Variants in DAB1 observed in about 807,000 individuals in gnomAD.
The protein encoded by DAB1 is DAB adaptor protein 1.
Under a neutral mutation model 64.6 loss-of-function variants are expected in DAB1, and 15 were observed. The observed-to-expected ratio is 0.23, with a 90% CI of 0.16 to 0.36. The LOEUF (loss-of-function observed/expected upper bound fraction) is 0.36, where lower values mean the gene tolerates loss of function less well. Ranked by LOEUF, DAB1 falls within the 10% of genes least tolerant of loss-of-function variation. The pLI, the probability that DAB1 is intolerant of heterozygous loss-of-function variation, is 1.00. For missense variants in DAB1, 596 were observed against 706.7 expected (o/e 0.84, Z 1.78); for synonymous variants, 235 against 251.9 (o/e 0.93, Z 0.64).
At chr1:58,241,740 A>G (rs921966375) in intron 4 of DAB1, among the ~76,000 whole-genome samples, 3 of 152,114 alleles carry the variant, frequency 2.0e-5, no homozygotes, top group African/African-American at 7.2e-5. Flanking sequence ...CTTGGCAGAC[A>G]TCAGGAAAAC....
chr1:57,749,218 T>C (rs1015924041), intron 6 of DAB1, among the ~76,000 whole-genome samples: 1 of 152,202 alleles, frequency 6.6e-6, no homozygotes, highest in African/African-American at 2.4e-5. Flanking sequence ...TGGCACTTGA[T>C]ATCCTGTCTT....
chr1:58,508,863 C>A (rs750438719), intron 2 of DAB1, among the ~76,000 whole-genome samples: 3 of 151,912 alleles, frequency 2.0e-5, no homozygotes, highest in Non-Finnish European at 4.4e-5. Flanking sequence ...AGAGGTAGAT[C>A]ACGTGTCCAA....
intron 9 of DAB1, among the ~76,000 whole-genome samples, chr1:57,053,676 A>G (rs1271509483): frequency 3.4e-5 from 3 of 87,834 alleles, no homozygotes; most frequent in African/African-American, 8.6e-5. Context: ...GTATATATAT[A>G]TATATATATA....
chr1:57,129,357 A>G (rs1657442921), intron 4 of DAB1, among the ~76,000 whole-genome samples: 1 of 152,090 alleles, frequency 6.6e-6, no homozygotes, highest in Non-Finnish European at 1.5e-5. Flanking sequence ...AAAATCCCGT[A>G]TCATCCAACA....
chr1:57,291,008 T>C lies in DAB1; in HGVS notation c.23A>G (p.Gln8Arg). ...CTTGGCGCTGGTTTTCACAGCTACTTGAAGTTCTGTCTCAGTTGACATCCT... is the reference window on the plus strand; with the variant it reads ...CTTGGCGCTGGTTTTCACAGCTACTCGAAGTTCTGTCTCAGTTGACATCCT... The part of the protein sequence containing the change: MSTETEL[Q>R]VAVKTSAKKD... The change falls in exon 2 of 15, where the codon CAA becomes CGA. Residue 8 changes from glutamine (Q) to arginine (R), a missense_variant. Gln to Arg is a conservative substitution (Grantham distance 43, BLOSUM62 1). Transcript: ENST00000371236. 6.2e-7 allele frequency: 1 copy of C among 1,612,124 alleles called. No individual in the cohort carries two copies. The highest frequency in any genetic ancestry group is 8.5e-7 in the Non-Finnish European group (1 of 1,178,980).
intron 9 of DAB1, among the ~76,000 whole-genome samples, chr1:57,031,800 A>G (rs1646973745): frequency 6.6e-6 from 1 of 152,230 alleles, no homozygotes; most frequent in Non-Finnish European, 1.5e-5. Flanking sequence ...TGAGATGTCT[A>G]TTTGCCAGAG....
intron 5 of DAB1, among the ~76,000 whole-genome samples, chr1:58,029,506 A>G (rs1646941682): frequency 6.6e-6 from 1 of 152,196 alleles, no homozygotes; most frequent in Non-Finnish European, 1.5e-5. Context: ...GCTGTACCTT[A>G]AAAGGGGAGG....
intron 1 of DAB1, among the ~76,000 whole-genome samples, chr1:58,543,102 T>C (rs1484730997): frequency 2.0e-5 from 3 of 152,084 alleles, no homozygotes; most frequent in Non-Finnish European, 4.4e-5. Context: ...ACCTCCCTGA[T>C]TCCCATGAAA....
intron 7 of DAB1, among the ~76,000 whole-genome samples, chr1:57,507,527 T>C (rs1644357814): frequency 6.6e-6 from 1 of 152,188 alleles, no homozygotes; most frequent in Non-Finnish European, 1.5e-5. Context: ...GAATTGGCTC[T>C]ATCAGTCTTG....
At chr1:57,897,825 G>A (rs975604410) in intron 5 of DAB1, among the ~76,000 whole-genome samples, 2 of 152,140 alleles carry the variant, frequency 1.3e-5, no homozygotes, top group African/African-American at 4.8e-5. Flanking sequence ...AGACCCAGCT[G>A]GGGAAGTGGC....
intron 1 of DAB1, among the ~76,000 whole-genome samples, chr1:57,423,307 T>G (rs1685073782): frequency 1.3e-5 from 2 of 148,390 alleles, no homozygotes; most frequent in Admixed American, 6.7e-5. Flanking sequence ...GAGAACAGAG[T>G]CCACAGAGGA....
At chr1:58,282,825 G>A (rs533853148) in intron 4 of DAB1, among the ~76,000 whole-genome samples, 9 of 152,332 alleles carry the variant, frequency 5.9e-5, no homozygotes, top group Non-Finnish European at 7.3e-5. Flanking sequence ...AAGAGGGAGC[G>A]ACTGCTCCCA....
chr1:58,024,771 T>G (rs1245042853), intron 5 of DAB1, among the ~76,000 whole-genome samples: 1 of 152,302 alleles, frequency 6.6e-6, no homozygotes, highest in Non-Finnish European at 1.5e-5. Flanking sequence ...CCTTTTCTAA[T>G]GTGTGTGGGC....
chr1:57,629,839 G>A (rs1274532872), intron 7 of DAB1, among the ~76,000 whole-genome samples: 2 of 150,834 alleles, frequency 1.3e-5, no homozygotes, highest in Non-Finnish European at 2.9e-5. Context: ...TACAAAGGTT[G>A]AGGGTTTTTT....
intron 1 of DAB1, chr1:57,387,463 T>C (rs1681962954): frequency 7.2e-6 from 1 of 138,456 alleles, no homozygotes; most frequent in African/African-American, 2.8e-5. Context: ...ACGTTTTGTG[T>C]ATATATATGT....
chr1:58,084,000 A>C (rs1650154546), intron 5 of DAB1, among the ~76,000 whole-genome samples: 1 of 152,194 alleles, frequency 6.6e-6, no homozygotes, highest in Non-Finnish European at 1.5e-5. Context: ...ATAACAGCAA[A>C]ATGTTCACTG....
intron 3 of DAB1, chr1:58,480,879 A>G (rs1164885993): frequency 7.3e-6 from 5 of 684,920 alleles, no homozygotes; most frequent in African/African-American, 1.8e-5. Flanking sequence ...TTTTTTTTTC[A>G]CTTCAAACAT....
chr1:58,275,119 G>T (rs1360703156), intron 4 of DAB1, among the ~76,000 whole-genome samples: 1 of 152,100 alleles, frequency 6.6e-6, no homozygotes, highest in Non-Finnish European at 1.5e-5. Flanking sequence ...GGGAAAATTG[G>T]ATGTCCACAT....
At chr1:57,721,229 C>A (rs1647146544) in intron 6 of DAB1, among the ~76,000 whole-genome samples, 1 of 152,150 alleles carries the variant, frequency 6.6e-6, no homozygotes, top group South Asian at 2.1e-4. Flanking sequence ...AATGACTGAT[C>A]TAATTCCTGC....
Sources: gnomAD v4.1 joint callset for allele counts (sites outside exome capture counted in the v4.1 genomes callset) on GRCh38, gnomAD v4.1.1 for gene constraint, MANE v1.5 for transcripts, NCBI Gene and HGNC (gene_info 2026-07-23, HGNC 2026-07-21) for gene names.